HDAC9: variants seen among roughly 807,000 people sequenced by gnomAD.
HDAC9 encodes the protein histone deacetylase 9, also known as MEF-2 interacting transcription repressor (MITR) protein.
In HDAC9, 41 loss-of-function variants were observed where a neutral mutation model predicts 139.4. The ratio of observed to expected loss-of-function variants is 0.29; its 90% CI spans 0.23 to 0.38. The LOEUF is 0.38. HDAC9 is among the 10% of genes least tolerant of loss of function. The pLI, the probability that HDAC9 is intolerant of heterozygous loss-of-function variation, is 1.00. For missense variants in HDAC9, 1,147 were observed against 1,297.0 expected (o/e 0.88, Z 1.78); for synonymous variants, 517 against 476.2 (o/e 1.09, Z -1.12).
At chr7:18,451,957 G>C (rs895261489) in intron 1 of HDAC9, among the ~76,000 whole-genome samples, 3 of 152,062 alleles carry the variant, frequency 2.0e-5, no homozygotes, top group African/African-American at 7.2e-5. Flanking sequence ...CCATCGTTAT[G>C]GTAGATCCAT....
At chr7:18,974,162 G>C (rs1294296377) in intron 24 of HDAC9, among the ~76,000 whole-genome samples, 3 of 152,100 alleles carry the variant, frequency 2.0e-5, no homozygotes, top group African/African-American at 7.2e-5. Context: ...TCCCCTTCCA[G>C]GGATATCCCA....
intron 2 of HDAC9, among the ~76,000 whole-genome samples, chr7:18,282,514 G>A (rs1025195930): frequency 2.0e-5 from 3 of 152,114 alleles, no homozygotes; most frequent in African/African-American, 7.2e-5. Flanking sequence ...GACAATGCAA[G>A]GTCCCGGGAC....
chr7:18,392,305 TCTCTCTCTCTCACACACACA>T (rs1352149579), intron 1 of HDAC9, among the ~76,000 whole-genome samples: 2 of 136,464 alleles, frequency 1.5e-5, no homozygotes, highest in African/African-American at 6.4e-5. Flanking sequence ...TCTCTCTCTC[TCTCTCTCTCTCACACACACA>T]CACACACACA....
intron 1 of HDAC9, among the ~76,000 whole-genome samples, chr7:18,355,234 A>G (rs1783163528): frequency 6.6e-6 from 1 of 152,176 alleles, no homozygotes. Flanking sequence ...CAATGTACAG[A>G]GAAATTAAGT....
chr7:18,672,234 A>G (rs1795715159), intron 12 of HDAC9, among the ~76,000 whole-genome samples: 1 of 151,918 alleles, frequency 6.6e-6, no homozygotes, highest in Admixed American at 6.6e-5. Context: ...TGCCTTATTG[A>G]TGGTAGCCAT....
At chr7:18,735,021 T>A (rs759077364) in intron 13 of HDAC9, among the ~76,000 whole-genome samples, 5 of 152,260 alleles carry the variant, frequency 3.3e-5, no homozygotes, top group Non-Finnish European at 7.3e-5. Context: ...ATCTGTTGGC[T>A]GCCTAAATGT....
At chr7:18,898,443 G>A (rs1801409976) in intron 22 of HDAC9, among the ~76,000 whole-genome samples, 1 of 151,988 alleles carries the variant, frequency 6.6e-6, no homozygotes, top group South Asian at 2.1e-4. Flanking sequence ...GAAAAATAAT[G>A]AGTGGCCTCA....
intron 12 of HDAC9, among the ~76,000 whole-genome samples, chr7:18,711,610 C>T (rs543942690): frequency 1.3e-5 from 2 of 152,146 alleles, no homozygotes; most frequent in Non-Finnish European, 2.9e-5. Context: ...CCACCCCTGC[C>T]CACACTTGGG....
chr7:18,990,286 G>A (rs996897334), intron 25 of HDAC9, among the ~76,000 whole-genome samples: 4 of 152,176 alleles, frequency 2.6e-5, no homozygotes, highest in Admixed American at 2.6e-4. Flanking sequence ...CTCAGCTGCA[G>A]GTCTGTTGGA....
chr7:18,136,278 CT>C (rs1463161351), intron 1 of HDAC9, among the ~76,000 whole-genome samples: 5 of 151,142 alleles, frequency 3.3e-5, no homozygotes, highest in African/African-American at 9.8e-5. Flanking sequence ...ATGGTAGTTT[CT>C]TCTGCTGTGC....
At chr7:18,738,194 G>A (rs935962600) in intron 13 of HDAC9, among the ~76,000 whole-genome samples, 1 of 152,136 alleles carries the variant, frequency 6.6e-6, no homozygotes, top group Non-Finnish European at 1.5e-5. Context: ...GCACACTGAT[G>A]GATCTTGACT....
At chr7:18,374,672 T>C (rs2128706015) in intron 1 of HDAC9, among the ~76,000 whole-genome samples, 1 of 152,240 alleles carries the variant, frequency 6.6e-6, no homozygotes, top group Non-Finnish European at 1.5e-5. Context: ...AGTCATTGAC[T>C]GAAACATTGT....
chr7:18,975,464 C>G (rs183449835), intron 24 of HDAC9, among the ~76,000 whole-genome samples: 68 of 152,276 alleles, frequency 4.5e-4, no homozygotes, highest in Admixed American at 1.6e-3. Flanking sequence ...GCCTCCTGGT[C>G]TCTTGTGGGT....
Position 18,437,912 on chromosome 7 carries a change from CCA to C in HDAC9, c.-41-58338_-41-58337del, listed in dbSNP as rs577859178. Among the ~76,000 whole-genome samples, 321 of 150,836 alleles carry C rather than the reference CCA, an allele frequency of 2.1e-3. 1 individual carries two copies. The highest frequency in any genetic ancestry group is 5.8e-3 in the African/African-American group (239 of 41,196). On this transcript the variant is annotated intron_variant, in intron 1 of 3. Transcript: ENST00000413509. ...TTTTCTGAACATTTACACACATGCA[CCA>C]CACACACACACTGCCACATTATATA... is the stretch of plus-strand genomic sequence containing the variant.
intron 21 of HDAC9, among the ~76,000 whole-genome samples, chr7:18,872,731 C>G (rs1026515493): frequency 1.3e-5 from 2 of 151,950 alleles, no homozygotes; most frequent in African/African-American, 4.8e-5. Flanking sequence ...AAGTATGCAC[C>G]TATATTTAAT....
chr7:18,828,168 T>C (rs1277328217), intron 17 of HDAC9, among the ~76,000 whole-genome samples: 6 of 152,220 alleles, frequency 3.9e-5, no homozygotes, highest in Non-Finnish European at 1.5e-5. Context: ...GTTTTCTCAA[T>C]ATTTTTATAT....
intron 21 of HDAC9, among the ~76,000 whole-genome samples, chr7:18,844,223 T>C (rs1480832943): frequency 1.3e-5 from 2 of 152,164 alleles, no homozygotes; most frequent in Non-Finnish European, 2.9e-5. Context: ...GGGTATTGGT[T>C]ATCTAAACAT....
At chr7:18,396,117 C>CCCTTCCCTTCCCTTCCCTTCCTTCTTT (rs1585605825) in intron 1 of HDAC9, among the ~76,000 whole-genome samples, 1 of 124,508 alleles carries the variant, frequency 8.0e-6, no homozygotes. Flanking sequence ...CCCTTCCCTT[C>CCCTTCCCTTCCCTTCCCTTCCTTCTTT]CCTTCCCTTC....
intron 1 of HDAC9, among the ~76,000 whole-genome samples, chr7:18,160,400 A>G (rs1034376194): frequency 2.6e-5 from 4 of 152,242 alleles, no homozygotes; most frequent in African/African-American, 7.2e-5. Flanking sequence ...AGGATAGTCT[A>G]TAAATTCAAA....
Sources: allele counts gnomAD v4.1 joint callset (sites outside exome capture counted in the v4.1 genomes callset), GRCh38; gene constraint gnomAD v4.1.1; transcripts MANE v1.5; gene names NCBI Gene and HGNC (gene_info 2026-07-23, HGNC 2026-07-21).